XIRP2: variants seen among roughly 807,000 people sequenced by gnomAD.
The protein encoded by XIRP2 is xin actin binding repeat containing 2, also known as xin actin-binding repeat-containing protein 2.
A neutral mutation model predicts 277.0 loss-of-function variants in XIRP2; 236 were observed. That is an observed-to-expected ratio of 0.85 (90% CI 0.77 to 0.95). The LOEUF is 0.95. Ranked by LOEUF, XIRP2 falls within the 40% of genes least tolerant of loss-of-function variation. The pLI is 0.00. For missense variants in XIRP2, 4,640 were observed against 4,157.5 expected (o/e 1.12, Z -3.19); for synonymous variants, 1,490 against 1,416.5 (o/e 1.05, Z -1.17).
In XIRP2 at chr2:167,037,516, GGGGTGTGTGTGTGTGTGT is replaced by G. The variant is rs1411268441; in HGVS notation, c.409-98391_409-98374del. On this transcript the variant is annotated intron_variant, in intron 2 of 10. Transcript: ENST00000409195. ...TTTGGCTTGAGGTTTTTTCATGTGG[GGGGTGTGTGTGTGTGTGT>G]GTGTGTGTGTGTGTGTGTGTGTGTT... Among the ~76,000 whole-genome samples the G allele has an allele frequency of 1.4e-4, 15 of 109,096 alleles. No individual in the cohort carries two copies. The East Asian group carries it at 3.7e-3, about 27-fold the overall frequency. 71.6% of individuals were successfully genotyped at this position (109,096 alleles called of 152,430 possible). A position where few individuals can be genotyped will look rare whatever the true frequency, so the allele number is the denominator to read the frequency against.
intron 5 of XIRP2, among the ~76,000 whole-genome samples, chr2:167,225,139 CT>C (rs1426522014): frequency 3.3e-5 from 5 of 152,104 alleles, no homozygotes; most frequent in Non-Finnish European, 5.9e-5. Context: ...AATTTGTTTT[CT>C]TAAGTGGGAA....
chr2:167,238,550 G>T, intron 5 of XIRP2, among the ~76,000 whole-genome samples: 1 of 151,912 alleles, frequency 6.6e-6, no homozygotes, highest in East Asian at 1.9e-4. Context: ...ACATCTACTG[G>T]CATTAATTTT....
At chr2:166,959,498 G>A (rs1686248238) in intron 2 of XIRP2, among the ~76,000 whole-genome samples, 1 of 151,864 alleles carries the variant, frequency 6.6e-6, no homozygotes, top group Non-Finnish European at 1.5e-5. Context: ...CAGGGGGAAG[G>A]AAAAGCTATG....
In XIRP2 at chr2:166,927,154, G is replaced by A. The variant is rs149382948; in HGVS notation, c.408+23264G>A. 4.2e-3 allele frequency among the ~76,000 whole-genome samples: 631 copies of A among 152,042 alleles called. 5 individuals carry two copies. Among genetic ancestry groups the A allele is most frequent in the African/African-American group, 0.014 (596 of 41,474 alleles). On this transcript the variant is annotated intron_variant, in intron 2 of 10. Coordinates refer to ENST00000409195, the MANE Select transcript of XIRP2 (RefSeq NM_152381.6). ...TACTGGTATAGATTTTCATTCTAGG[G>A]CTTACAATTAACAATTAAAGAAATA... is the stretch of plus-strand genomic sequence containing the variant.
chr2:167,234,543 T>C (rs1461402421), intron 5 of XIRP2, among the ~76,000 whole-genome samples: 1 of 151,692 alleles, frequency 6.6e-6, no homozygotes, highest in Non-Finnish European at 1.5e-5. Context: ...AGTGAAGCTC[T>C]ACAAGGTCAC....
At chr2:166,997,087 T>C (rs1424109087) in intron 2 of XIRP2, among the ~76,000 whole-genome samples, 1 of 152,208 alleles carries the variant, frequency 6.6e-6, no homozygotes, top group East Asian at 1.9e-4. Flanking sequence ...TGGACCTAAA[T>C]GTAAGGTCAT....
At position 166,897,547 on chromosome 2, in the gene XIRP2, A is replaced by G. The variant is rs1684275123; in HGVS notation, c.-18-5918A>G. Among the ~76,000 whole-genome samples the G allele has an allele frequency of 2.0e-5, 3 of 152,168 alleles. No individual in the cohort carries two copies. In the South Asian group the frequency reaches 6.2e-4, roughly 31 times the overall value. On this transcript the variant is annotated intron_variant, in intron 1 of 10. Coordinates refer to ENST00000409195, the MANE Select transcript of XIRP2 (RefSeq NM_152381.6). ...GAAAAAGAAGCCACACGTAAGTTAA[A>G]CAAAATAAGTTAATATAAAGAATTA...
chr2:167,238,050 T>C (rs1305410705), intron 5 of XIRP2, among the ~76,000 whole-genome samples: 1 of 152,174 alleles, frequency 6.6e-6, no homozygotes, highest in East Asian at 1.9e-4. Context: ...ATATGGATCC[T>C]TCTCAAGAAA....
rs774257961 is a variant in XIRP2 at position 167,242,708 on chromosome 2, C to T, written c.1316C>T (p.Ala439Val). ...CACAGTGTCACTTCCTCAACTCTGG[C>T]ACAAATTAATGCTACTTCTTCAGGA... ...SDHSVTSSTL[A>V]QINATSSGMT... The change falls in exon 9 of 11, where the codon GCA becomes GTA. Residue 439 changes from alanine to valine, a missense_variant. Coordinates refer to ENST00000409195, the MANE Select transcript of XIRP2 (RefSeq NM_152381.6). 2.5e-6 allele frequency: 4 copies of T among 1,614,068 alleles called. No individual in the cohort carries two copies. In the East Asian group the frequency reaches 6.7e-5, roughly 27 times the overall value.
rs144913877 is a variant in XIRP2 at position 167,223,254 on chromosome 2, C to G, written c.858+4954C>G. On this transcript the variant is annotated intron_variant, in intron 5 of 10. Transcript: ENST00000409195. ...CATAAGTAGGAAAGAGCAGATGGAGCTCCAAAAATTTTGGAAGTAATAAGT... is the reference window on the plus strand; with the variant it reads ...CATAAGTAGGAAAGAGCAGATGGAGGTCCAAAAATTTTGGAAGTAATAAGT... Among the ~76,000 whole-genome samples the G allele has an allele frequency of 5.6e-3, 847 of 152,134 alleles. 3 individuals are homozygous for G. Among genetic ancestry groups the G allele is most frequent in the Non-Finnish European group, 8.9e-3 (606 of 68,004 alleles).
chr2:167,014,801 T>G (rs1446948187), intron 2 of XIRP2, among the ~76,000 whole-genome samples: 1 of 151,782 alleles, frequency 6.6e-6, no homozygotes, highest in Non-Finnish European at 1.5e-5. Context: ...TAAGTTCTAT[T>G]TTACAGTTAA....
chr2:167,124,244 C>T (rs369582176), intron 2 of XIRP2: 6 of 152,098 alleles, frequency 3.9e-5, no homozygotes, highest in Non-Finnish European at 8.8e-5. Context: ...GTTTCTCTCA[C>T]GTATCATGGG....
chr2:167,251,804 A>T lies in XIRP2; in HGVS notation c.10412A>T (p.Asp3471Val). 6.2e-7 allele frequency: 1 copy of T among 1,613,398 alleles called. No homozygotes were observed. The highest frequency in any genetic ancestry group is 8.5e-7 in the Non-Finnish European group (1 of 1,179,566). The change falls in exon 9 of 11, where the codon GAT becomes GTT. Residue 3471 changes from aspartate (D) to valine (V), a missense_variant. By Grantham distance (152) the Asp-to-Val change is radical. Transcript: ENST00000409195. ...GCTGGACATATTTTAGATATCTCTG[A>T]TTCACCTAAAGAAGTAAGAAAAAAT... ...VIAGHILDIS[D>V]SPKEVRKNFQ... is the part of the protein sequence containing the mutation.
chr2:166,916,472 T>C lies in XIRP2; in HGVS notation c.408+12582T>C, dbSNP rs1450229995. ...AACAGGACAGAAGTTATTAGAATCTTGAAAATGATTACTGAAAAATATATG... is the reference window on the plus strand; with the variant it reads ...AACAGGACAGAAGTTATTAGAATCTCGAAAATGATTACTGAAAAATATATG... On this transcript the variant is annotated intron_variant, in intron 2 of 10. Coordinates refer to ENST00000409195, the MANE Select transcript of XIRP2 (RefSeq NM_152381.6). Among the ~76,000 whole-genome samples, 6 of 152,278 alleles carry C rather than the reference T, an allele frequency of 3.9e-5. No homozygotes were observed. In the East Asian group the frequency reaches 9.6e-4, roughly 24 times the overall value.
intron 3 of XIRP2, among the ~76,000 whole-genome samples, chr2:167,148,163 C>T (rs955584916): frequency 3.9e-5 from 6 of 151,918 alleles, no homozygotes; most frequent in African/African-American, 1.5e-4. Flanking sequence ...AGGTGGATCA[C>T]CTGAAGTCAG....
chr2:166,931,110 AAAG>A (rs1370888160), intron 2 of XIRP2, among the ~76,000 whole-genome samples: 1 of 152,174 alleles, frequency 6.6e-6, no homozygotes, highest in African/African-American at 2.4e-5. Flanking sequence ...GGAGACTGAA[AAAG>A]AAGATTTTGG....
At chr2:166,906,273 T>C (rs758364406) in intron 2 of XIRP2, among the ~76,000 whole-genome samples, 1 of 152,014 alleles carries the variant, frequency 6.6e-6, no homozygotes, top group Non-Finnish European at 1.5e-5. Context: ...ATAAAATTTG[T>C]AAAATAATTG....
At chr2:167,138,438 G>T (rs547343070) in intron 3 of XIRP2, among the ~76,000 whole-genome samples, 1 of 152,230 alleles carries the variant, frequency 6.6e-6, no homozygotes, top group South Asian at 2.1e-4. Context: ...CTCTTTTTAT[G>T]CCTGATGATA....
intron 3 of XIRP2, among the ~76,000 whole-genome samples, chr2:167,162,811 TC>T (rs2105342174): frequency 6.6e-6 from 1 of 152,338 alleles, no homozygotes; most frequent in East Asian, 1.9e-4. Context: ...CTTGTTGCCA[TC>T]CCAGTCAGTC....
Sources: gnomAD v4.1 joint callset for allele counts (sites outside exome capture counted in the v4.1 genomes callset) on GRCh38, gnomAD v4.1.1 for gene constraint, MANE v1.5 for transcripts, NCBI Gene and HGNC (gene_info 2026-07-23, HGNC 2026-07-21) for gene names.